The following PLB1 variants were observed in gnomAD, a reference collection of about 807,000 sequenced individuals.
PLB1 encodes the protein phospholipase B1, membrane-associated.
PLB1 carries 242 observed loss-of-function variants against 227.4 expected under a neutral mutation model. The observed-to-expected ratio is 1.06, with a 90% CI of 0.96 to 1.18. The LOEUF (loss-of-function observed/expected upper bound fraction) is 1.18, where lower values mean the gene tolerates loss of function less well. Ranked by LOEUF, PLB1 falls within the 50% of genes most tolerant of loss-of-function variation. The pLI, the probability that PLB1 is intolerant of heterozygous loss-of-function variation, is 0.00. For synonymous variants in PLB1, 757 were observed against 682.2 expected (o/e 1.11, Z -1.71); for missense variants, 1,858 against 1,816.3 (o/e 1.02, Z -0.42).
chr2:28,564,585 A>C (rs1676575278), intron 18 of PLB1, among the ~76,000 whole-genome samples: 1 of 152,202 alleles, frequency 6.6e-6, no homozygotes, highest in African/African-American at 2.4e-5. Context: ...ATCTCGGCAC[A>C]GCTGCTCAGG....
chr2:28,607,248 C>A (rs1044826130), intron 43 of PLB1, among the ~76,000 whole-genome samples: 1 of 152,152 alleles, frequency 6.6e-6, no homozygotes, highest in African/African-American at 2.4e-5. Context: ...GCCAGAAAAC[C>A]CTCAGCAGCA....
chr2:28,577,993 G>A, intron 21 of PLB1, 114 bp from the exon 22 acceptor site: 1 of 995,696 alleles, frequency 1.0e-6, no homozygotes, highest in South Asian at 1.3e-5. Context: ...CCATTTTCCT[G>A]CAGGAGGCCC....
At chr2:28,554,208 T>C (rs1674667411) in intron 17 of PLB1, among the ~76,000 whole-genome samples, 2 of 152,306 alleles carry the variant, frequency 1.3e-5, no homozygotes, top group South Asian at 4.1e-4. Flanking sequence ...GCTTCATATG[T>C]AGACCCTCCT....
chr2:28,543,586 G>T (rs911425068), intron 14 of PLB1, among the ~76,000 whole-genome samples: 1 of 152,230 alleles, frequency 6.6e-6, no homozygotes, highest in African/African-American at 2.4e-5. Context: ...ACTGGGGAAT[G>T]TGCTCCCCTC....
intron 11 of PLB1, among the ~76,000 whole-genome samples, chr2:28,539,591 A>G (rs1171586253): frequency 1.3e-5 from 2 of 152,194 alleles, no homozygotes; most frequent in Admixed American, 6.5e-5. Flanking sequence ...GAAAATGTTC[A>G]TAGACTTTAA....
At chr2:28,592,762 C>T (rs775208463) in intron 32 of PLB1, 43 bp downstream of exon 32, 17 of 1,580,958 alleles carry the variant, frequency 1.1e-5, no homozygotes, top group South Asian at 2.2e-5. Context: ...ATAACTAGGC[C>T]AGCTCCAGAT....
At chr2:28,604,337 C>T (rs908096551) in intron 40 of PLB1, among the ~76,000 whole-genome samples, 3 of 152,234 alleles carry the variant, frequency 2.0e-5, no homozygotes, top group African/African-American at 7.2e-5. Context: ...ATGAGACCAC[C>T]TTTCCCTCCC....
chr2:28,622,822 G>A (rs1687219380), intron 49 of PLB1, among the ~76,000 whole-genome samples: 1 of 152,152 alleles, frequency 6.6e-6, no homozygotes, highest in Non-Finnish European at 1.5e-5. Context: ...GGAAGTGGAG[G>A]CTGCAGTGAG....
At chr2:28,522,719 C>T (rs889138017) in intron 4 of PLB1, among the ~76,000 whole-genome samples, 3 of 152,068 alleles carry the variant, frequency 2.0e-5, no homozygotes, top group African/African-American at 7.3e-5. Context: ...TGTCACTCGG[C>T]CCCCCCTTCT....
intron 50 of PLB1, 65 bp downstream of exon 50, chr2:28,625,173 G>GC: frequency 6.9e-7 from 1 of 1,445,136 alleles, no homozygotes; most frequent in Non-Finnish European, 9.7e-7. Flanking sequence ...GGAGGGGACA[G>GC]CCCCATAAGG....
At chr2:28,537,868 T>C (rs1057343240) in intron 9 of PLB1, among the ~76,000 whole-genome samples, 1 of 152,042 alleles carries the variant, frequency 6.6e-6, no homozygotes, top group Non-Finnish European at 1.5e-5. Context: ...GCTAATAAAA[T>C]AGGATCACAT....
chr2:28,518,944 A>C (rs1669169958), intron 3 of PLB1, among the ~76,000 whole-genome samples: 1 of 152,200 alleles, frequency 6.6e-6, no homozygotes, highest in African/African-American at 2.4e-5. Flanking sequence ...GAGAGGCTGC[A>C]TTACAGACCA....
At chr2:28,504,490 C>A (rs1454016804) in intron 1 of PLB1, among the ~76,000 whole-genome samples, 1 of 152,138 alleles carries the variant, frequency 6.6e-6, no homozygotes, top group Non-Finnish European at 1.5e-5. Context: ...CGTCTGTTAT[C>A]CCAGCACTTT....
intron 16 of PLB1, 46 bp from the exon 17 acceptor site, chr2:28,552,882 T>C (rs1287222110): frequency 6.4e-7 from 1 of 1,551,028 alleles, no homozygotes; most frequent in African/African-American, 1.4e-5. Context: ...CCATTTCCAG[T>C]TTAGAAAAAT....
chr2:28,591,472 G>A (rs923184359), intron 30 of PLB1, among the ~76,000 whole-genome samples: 3 of 152,346 alleles, frequency 2.0e-5, no homozygotes, highest in African/African-American at 7.2e-5. Flanking sequence ...TTGCTGCCCT[G>A]ATTCTTGCAT....
At chr2:28,519,018 G>A (rs934041056) in intron 3 of PLB1, among the ~76,000 whole-genome samples, 1 of 152,166 alleles carries the variant, frequency 6.6e-6, no homozygotes, top group African/African-American at 2.4e-5. Flanking sequence ...AGTTAAGCAT[G>A]CTATTCTTAC....
chr2:28,585,735 G>A (rs1473028100), intron 25 of PLB1, 26 bp from the exon 26 acceptor site: 1 of 1,540,018 alleles, frequency 6.5e-7, no homozygotes, highest in Non-Finnish European at 9.0e-7. Context: ...GGTGGGATGA[G>A]GGTTTCTCTT....
At chr2:28,615,038 C>T (rs1380138293) in intron 44 of PLB1, among the ~76,000 whole-genome samples, 1 of 152,100 alleles carries the variant, frequency 6.6e-6, no homozygotes, top group Admixed American at 6.5e-5. Flanking sequence ...GAGGCAAATT[C>T]AGGTGCACCA....
intron 9 of PLB1, among the ~76,000 whole-genome samples, chr2:28,532,750 C>T (rs1366237610): frequency 6.6e-6 from 1 of 152,162 alleles, no homozygotes; most frequent in Admixed American, 6.5e-5. Flanking sequence ...CCATCCTCAC[C>T]CCTTGGCCCA....
Sources: gnomAD v4.1 joint callset for allele counts (sites outside exome capture counted in the v4.1 genomes callset) on GRCh38, gnomAD v4.1.1 for gene constraint, MANE v1.5 for transcripts, NCBI Gene and HGNC (gene_info 2026-07-23, HGNC 2026-07-21) for gene names.